The following GPR176 variants were observed in gnomAD, a reference collection of about 807,000 sequenced individuals.
The protein encoded by GPR176 is G-protein coupled receptor 176.
Under a neutral mutation model 35.4 loss-of-function variants are expected in GPR176, and 26 were observed. That is an observed-to-expected ratio of 0.74 (90% confidence interval 0.54 to 1.02). The LOEUF (loss-of-function observed/expected upper bound fraction) is 1.02, where lower values mean the gene tolerates loss of function less well. Ranked by LOEUF, GPR176 falls within the 50% of genes least tolerant of loss-of-function variation. The probability of loss-of-function intolerance (pLI) is 0.00; values close to 1 mark genes in which losing one functional copy is unlikely to be tolerated. For missense variants in GPR176, 597 were observed against 665.3 expected (o/e 0.90, Z 1.13); for synonymous variants, 278 against 271.3 (o/e 1.02, Z -0.24).
intron 1 of GPR176, among the ~76,000 whole-genome samples, chr15:39,874,352 T>C (rs1397756296): frequency 6.6e-6 from 1 of 152,230 alleles, no homozygotes; most frequent in Admixed American, 6.5e-5. Context: ...AAGCCTGTGA[T>C]ACCATCCATT....
chr15:39,860,598 G>A (rs1412062541), intron 1 of GPR176, among the ~76,000 whole-genome samples: 3 of 152,112 alleles, frequency 2.0e-5, no homozygotes, highest in Non-Finnish European at 4.4e-5. Flanking sequence ...TTAAGTCATC[G>A]ACTATACATC....
chr15:39,870,733 T>G (rs576910870), intron 1 of GPR176, among the ~76,000 whole-genome samples: 18 of 152,202 alleles, frequency 1.2e-4, no homozygotes, highest in Non-Finnish European at 2.5e-4. Flanking sequence ...TATATGAGAC[T>G]CTGTCAGAGC....
At chr15:39,876,523 TTAA>T (rs1364078903) in intron 1 of GPR176, among the ~76,000 whole-genome samples, 5 of 152,092 alleles carry the variant, frequency 3.3e-5, no homozygotes, top group Non-Finnish European at 5.9e-5. Flanking sequence ...GGATATAATG[TTAA>T]TGATGTTGAT....
chr15:39,875,196 C>T (rs1210868651), intron 1 of GPR176, among the ~76,000 whole-genome samples: 3 of 152,158 alleles, frequency 2.0e-5, no homozygotes, highest in African/African-American at 7.2e-5. Context: ...GGAATAATGG[C>T]TTTGTTTCTA....
intron 1 of GPR176, among the ~76,000 whole-genome samples, chr15:39,914,459 G>A (rs944013316): frequency 2.6e-5 from 4 of 151,892 alleles, no homozygotes; most frequent in East Asian, 3.9e-4. Context: ...GATTATAGGC[G>A]CCTACCACCA....
chr15:39,847,656 T>C (rs1274221778), intron 1 of GPR176, among the ~76,000 whole-genome samples: 1 of 150,542 alleles, frequency 6.6e-6, no homozygotes, highest in Non-Finnish European at 1.5e-5. Context: ...GGCATGAGAA[T>C]TCTTTGAACC....
chr15:39,820,583 T>A (rs1900207238), intron 1 of GPR176, among the ~76,000 whole-genome samples: 1 of 152,062 alleles, frequency 6.6e-6, no homozygotes, highest in African/African-American at 2.4e-5. Flanking sequence ...CAGAATAATA[T>A]CTGTAGTAAT....
chr15:39,807,784 T>G (rs1041333877), intron 1 of GPR176, among the ~76,000 whole-genome samples: 1 of 152,238 alleles, frequency 6.6e-6, no homozygotes, highest in Non-Finnish European at 1.5e-5. Context: ...TTTAAAATTA[T>G]TAATATTTTT....
chr15:39,828,305 C>T (rs1262063059), intron 1 of GPR176, among the ~76,000 whole-genome samples: 2 of 152,170 alleles, frequency 1.3e-5, no homozygotes, highest in African/African-American at 4.8e-5. Flanking sequence ...AGGCCTCCGG[C>T]TCATGGCCTG....
At chr15:39,822,053 A>T (rs1314068276) in intron 1 of GPR176, among the ~76,000 whole-genome samples, 1 of 152,238 alleles carries the variant, frequency 6.6e-6, no homozygotes, top group Non-Finnish European at 1.5e-5. Flanking sequence ...AAACCCAAGC[A>T]GTCCTATGAA....
At chr15:39,807,639 A>T (rs1400516039) in intron 1 of GPR176, 2 of 823,882 alleles carry the variant, frequency 2.4e-6, no homozygotes, top group East Asian at 2.7e-5. Context: ...CAACAGAAAT[A>T]CAGTGCAAAC....
intron 1 of GPR176, among the ~76,000 whole-genome samples, chr15:39,872,973 G>A (rs2032105285): frequency 6.7e-6 from 1 of 149,026 alleles, no homozygotes; most frequent in Admixed American, 6.8e-5. Flanking sequence ...GTGTAATCAT[G>A]AGAGTAATAG....
At chr15:39,837,193 C>G (rs1025868855) in intron 1 of GPR176, among the ~76,000 whole-genome samples, 3 of 152,124 alleles carry the variant, frequency 2.0e-5, no homozygotes, top group African/African-American at 7.2e-5. Context: ...CAGAACTCAT[C>G]TTTTTTAGTC....
intron 1 of GPR176, among the ~76,000 whole-genome samples, chr15:39,899,189 C>T (rs1016934268): frequency 1.3e-5 from 2 of 152,194 alleles, no homozygotes; most frequent in Non-Finnish European, 2.9e-5. Context: ...GTAGTAGTAG[C>T]TTACCCTTGG....
rs141264645 is a variant in GPR176, at chr15:39,819,762, T to C, written c.173-12504A>G. Among the ~76,000 whole-genome samples, 33 of 152,270 alleles carry C rather than the reference T, an allele frequency of 2.2e-4. No homozygotes were observed. The East Asian group carries it at 6.0e-3, about 28-fold the overall frequency. On this transcript the variant is annotated intron_variant, in intron 1 of 2. Coordinates refer to ENST00000561100, the MANE Select transcript of GPR176 (RefSeq NM_007223.3). ...TGCAGTCTGAAAGGAAAAAATATGT[T>C]GGAAATATTTCCAAAGACCCCAAGG...
intron 1 of GPR176, among the ~76,000 whole-genome samples, chr15:39,835,497 A>G (rs1901342085): frequency 6.7e-6 from 1 of 149,496 alleles, no homozygotes; most frequent in African/African-American, 2.4e-5. Flanking sequence ...ATAGTCCAGG[A>G]CTGATTATAG....
chr15:39,811,492 T>A (rs1899544233), intron 1 of GPR176, among the ~76,000 whole-genome samples: 1 of 152,202 alleles, frequency 6.6e-6, no homozygotes, highest in South Asian at 2.1e-4. Context: ...ATCAGAAGTG[T>A]TTCAAATTTC....
chr15:39,840,297 C>A (rs1184615743), intron 1 of GPR176, among the ~76,000 whole-genome samples: 1 of 152,140 alleles, frequency 6.6e-6, no homozygotes, highest in Non-Finnish European at 1.5e-5. Context: ...GAATTCTATG[C>A]AGCCATAAAA....
chr15:39,887,764 C>A (rs1297053393), intron 1 of GPR176, among the ~76,000 whole-genome samples: 2 of 152,154 alleles, frequency 1.3e-5, no homozygotes, highest in Non-Finnish European at 1.5e-5. Flanking sequence ...ATTCAAAGTT[C>A]TTTACTGAGA....
Sources: allele counts gnomAD v4.1 joint callset (sites outside exome capture counted in the v4.1 genomes callset), GRCh38; gene constraint gnomAD v4.1.1; transcripts MANE v1.5; gene names NCBI Gene and HGNC (gene_info 2026-07-23, HGNC 2026-07-21).